Variants in TTC39C observed in about 807,000 individuals in gnomAD.
The protein encoded by TTC39C is tetratricopeptide repeat protein 39C.
TTC39C carries 33 observed loss-of-function variants against 76.3 expected under a neutral mutation model. That is an observed-to-expected ratio of 0.43 (90% CI 0.33 to 0.58). The LOEUF (loss-of-function observed/expected upper bound fraction) is 0.58. TTC39C is among the 20% of genes least tolerant of loss of function. The pLI, the probability that TTC39C is intolerant of heterozygous loss-of-function variation, is 0.04. For missense variants in TTC39C, 595 were observed against 701.4 expected, an observed-to-expected ratio of 0.85 and a Z score of 1.71; for synonymous variants, 254 against 260.6, an observed-to-expected ratio of 0.97 and a Z score of 0.24.
intron 6 of TTC39C, among the ~76,000 whole-genome samples, chr18:24,102,702 C>T (rs1226630336): frequency 3.3e-5 from 5 of 152,126 alleles, no homozygotes; most frequent in Non-Finnish European, 7.3e-5. Flanking sequence ...ACCTGGCCCA[C>T]GAGGAAGGTT....
chr18:24,034,993 G>A (rs1339879729), intron 1 of TTC39C, among the ~76,000 whole-genome samples: 1 of 152,114 alleles, frequency 6.6e-6, no homozygotes, highest in East Asian at 1.9e-4. Flanking sequence ...ATACCCAGAA[G>A]TGGAATTGCT....
intron 9 of TTC39C, chr18:24,124,280 G>T (rs1411197295): frequency 5.9e-6 from 1 of 168,304 alleles, no homozygotes; most frequent in Non-Finnish European, 1.3e-5. Flanking sequence ...AGGGTAACTG[G>T]AGTATAGTTT....
chr18:24,070,312 A>C (rs2084221606), intron 4 of TTC39C, among the ~76,000 whole-genome samples: 1 of 152,056 alleles, frequency 6.6e-6, no homozygotes, highest in Non-Finnish European at 1.5e-5. Context: ...TTTCTCCTTA[A>C]CCCTCTTCTC....
intron 10 of TTC39C, among the ~76,000 whole-genome samples, chr18:24,128,270 T>C (rs2085075645): frequency 6.6e-6 from 1 of 152,142 alleles, no homozygotes; most frequent in South Asian, 2.1e-4. Context: ...TGAGTTCTTT[T>C]TCGTATGAGC....
chr18:24,040,657 G>A (rs1311724993), intron 1 of TTC39C, among the ~76,000 whole-genome samples: 7 of 152,052 alleles, frequency 4.6e-5, no homozygotes, highest in East Asian at 1.9e-4. Context: ...AGAGACTCTC[G>A]GTAAGCATAC....
At chr18:24,015,228 AC>A in intron 1 of TTC39C, 190 bp downstream of exon 1, 1 of 466,258 alleles carries the variant, frequency 2.1e-6, no homozygotes, top group Non-Finnish European at 3.6e-6. Flanking sequence ...TCCACCCCCT[AC>A]CCCCGGCTCC....
chr18:24,080,627 T>A lies in TTC39C; in HGVS notation c.503T>A (p.Ile168Asn), dbSNP rs777300724. ...GGWILRKAWKIYNKCYLDINA... is the reference protein window; with the variant it reads ...GGWILRKAWKNYNKCYLDINA... Reference sequence around the variant, plus strand: ...TGGATCCTTAGGAAAGCCTGGAAGATTTACAATAAATGCTATCTGGACATC... The same window carrying A: ...TGGATCCTTAGGAAAGCCTGGAAGAATTACAATAAATGCTATCTGGACATC... Residue 168 changes from isoleucine to asparagine, a missense_variant, in exon 5 of 14, where the codon ATT becomes AAT. Coordinates refer to ENST00000317571, the MANE Select transcript of TTC39C (RefSeq NM_001135993.2). 2 of 1,613,394 alleles carry A rather than the reference T, an allele frequency of 1.2e-6. No homozygotes were observed. The highest frequency in any genetic ancestry group is 2.2e-5 in the South Asian group (2 of 90,896).
At chr18:24,027,152 C>T (rs917653042) in intron 1 of TTC39C, among the ~76,000 whole-genome samples, 1 of 151,828 alleles carries the variant, frequency 6.6e-6, no homozygotes, top group African/African-American at 2.4e-5. Context: ...ATTAGCCGAG[C>T]GTGGTGGTGG....
chr18:24,059,818 G>A (rs889322476), intron 1 of TTC39C, among the ~76,000 whole-genome samples: 27 of 152,154 alleles, frequency 1.8e-4, no homozygotes, highest in Admixed American at 1.6e-3. Context: ...AATTTATAAA[G>A]GAAAGAGTTT....
intron 1 of TTC39C, chr18:24,022,614 G>A: frequency 1.0e-6 from 1 of 985,406 alleles, no homozygotes; most frequent in Non-Finnish European, 1.2e-6. Flanking sequence ...GTAATATGCA[G>A]ATTGCACTCT....
chr18:24,006,363 A>G (rs909880775), intron 1 of TTC39C: 1 of 152,136 alleles, frequency 6.6e-6, no homozygotes, highest in Non-Finnish European at 1.5e-5. Flanking sequence ...TCTCCTTTAC[A>G]TACCTTAGGA....
chr18:24,108,025 T>C (rs2084769456), intron 6 of TTC39C, among the ~76,000 whole-genome samples: 1 of 152,258 alleles, frequency 6.6e-6, no homozygotes, highest in Non-Finnish European at 1.5e-5. Flanking sequence ...AAATAGAATG[T>C]GCTTATGTTT....
chr18:23,997,512 A>G (rs958112774), intron 1 of TTC39C, among the ~76,000 whole-genome samples: 3 of 147,018 alleles, frequency 2.0e-5, no homozygotes, highest in Admixed American at 7.0e-5. Context: ...AGATTGCCCA[A>G]CTGTACTCCA....
At chr18:24,125,593 T>C in intron 10 of TTC39C, 43 bp downstream of exon 10, 1 of 1,610,200 alleles carries the variant, frequency 6.2e-7, no homozygotes, top group South Asian at 1.1e-5. Context: ...CTGGACACAC[T>C]GGCTTCTTCT....
At chr18:24,000,845 C>G (rs75151696) in intron 1 of TTC39C, among the ~76,000 whole-genome samples, 1 of 152,126 alleles carries the variant, frequency 6.6e-6, no homozygotes, top group Non-Finnish European at 1.5e-5. Flanking sequence ...GGTCCTGTCA[C>G]CTGGTTATCC....
chr18:24,002,528 G>A (rs1032848018), intron 1 of TTC39C, among the ~76,000 whole-genome samples: 2 of 152,180 alleles, frequency 1.3e-5, no homozygotes, highest in Non-Finnish European at 2.9e-5. Context: ...CAGAGTGATC[G>A]TGCAAGATGG....
intron 7 of TTC39C, 83 bp from the exon 8 acceptor site, chr18:24,118,042 G>A (rs1200024548): frequency 3.5e-5 from 35 of 1,002,594 alleles, no homozygotes; most frequent in East Asian, 5.4e-5. Flanking sequence ...GAGAATGATC[G>A]CCATATCAGA....
At chr18:24,092,521 C>T (rs2084536243) in intron 6 of TTC39C, among the ~76,000 whole-genome samples, 1 of 152,174 alleles carries the variant, frequency 6.6e-6, no homozygotes, top group Non-Finnish European at 1.5e-5. Flanking sequence ...ACATGTGATA[C>T]ATTCATACAA....
chr18:24,100,623 C>T (rs568236138), intron 6 of TTC39C, among the ~76,000 whole-genome samples: 73 of 152,280 alleles, frequency 4.8e-4, no homozygotes, highest in African/African-American at 1.7e-3. Flanking sequence ...ATAGGGCTTC[C>T]GAGCTTCAGT....
Sources: allele counts gnomAD v4.1 joint callset (sites outside exome capture counted in the v4.1 genomes callset), GRCh38; gene constraint gnomAD v4.1.1; transcripts MANE v1.5; gene names NCBI Gene and HGNC (gene_info 2026-07-23, HGNC 2026-07-21).